The following PRELID2 variants were observed in gnomAD, a reference collection of about 807,000 sequenced individuals.
PRELID2 encodes the protein PRELI domain-containing protein 2.
PRELID2 carries 25 observed loss-of-function variants against 28.4 expected under a neutral mutation model. That is an observed-to-expected ratio of 0.88 (90% CI 0.64 to 1.23). The LOEUF is 1.23. PRELID2 is among the 50% of genes most tolerant of loss of function. The pLI, the probability that PRELID2 is intolerant of heterozygous loss-of-function variation, is 0.00. For synonymous variants in PRELID2, 76 were observed against 71.6 expected (o/e 1.06, Z -0.31); for missense variants, 201 against 214.4 (o/e 0.94, Z 0.39).
chr5:145,757,051 T>C lies in PRELID2; in HGVS notation c.*3485A>G, dbSNP rs1757278780. ...CTGTGTTTGCAAAAGCAGAGAAATG[T>C]ATACTAAATTAAGAAATAGTTTGAT... is the stretch of plus-strand genomic sequence containing the variant. On this transcript the variant is annotated 3_prime_UTR_variant, in exon 7 of 7. Transcript: ENST00000683046. 6.6e-6 allele frequency among the ~76,000 whole-genome samples: 1 copy of C among 152,190 alleles called. No homozygotes were observed. Among genetic ancestry groups the C allele is most frequent in the African/African-American group, 2.4e-5 (1 of 41,436 alleles).
the PRELID2 span, among the ~76,000 whole-genome samples, chr5:145,272,588 A>G: frequency 6.6e-6 from 1 of 152,112 alleles, no homozygotes; most frequent in Non-Finnish European, 1.5e-5. Context: ...ACCCTTATGA[A>G]ACAGTGGGAC....
At chr5:145,359,444 T>C in the PRELID2 span, among the ~76,000 whole-genome samples, 1 of 152,158 alleles carries the variant, frequency 6.6e-6, no homozygotes, top group Non-Finnish European at 1.5e-5. Flanking sequence ...TTAGAATTTC[T>C]CAAGAAAATG....
intron 1 of PRELID2, among the ~76,000 whole-genome samples, chr5:145,713,356 A>T (rs950079919): frequency 3.5e-5 from 5 of 143,038 alleles, no homozygotes; most frequent in African/African-American, 1.3e-4. Context: ...GACTTTATAT[A>T]TATATATATA....
At chr5:145,508,876 AGG>A (rs1752437565) in intron 1 of PRELID2, among the ~76,000 whole-genome samples, 1 of 152,236 alleles carries the variant, frequency 6.6e-6, no homozygotes, top group Admixed American at 6.5e-5. Flanking sequence ...ATCCTGTGGC[AGG>A]GAATCAGGGA....
chr5:145,429,658 T>A, the PRELID2 span, among the ~76,000 whole-genome samples: 1 of 152,216 alleles, frequency 6.6e-6, no homozygotes, highest in Non-Finnish European at 1.5e-5. Context: ...GGGAACCTAG[T>A]TCATTATGTA....
At chr5:145,525,875 A>T (rs993962955) in intron 1 of PRELID2, among the ~76,000 whole-genome samples, 1 of 152,196 alleles carries the variant, frequency 6.6e-6, no homozygotes, top group Non-Finnish European at 1.5e-5. Flanking sequence ...ATGAAGGCCA[A>T]ACTCCGAAAA....
At chr5:145,473,806 T>C (rs965406340) in intron 1 of PRELID2, among the ~76,000 whole-genome samples, 2 of 152,178 alleles carry the variant, frequency 1.3e-5, no homozygotes, top group Admixed American at 6.6e-5. Flanking sequence ...TTAATTTTCT[T>C]ATCTGTAAAA....
chr5:145,825,144 T>G (rs1173694797), intron 1 of PRELID2, among the ~76,000 whole-genome samples: 1 of 141,538 alleles, frequency 7.1e-6, no homozygotes, highest in Non-Finnish European at 1.5e-5. Context: ...GAGAATTGCT[T>G]GAACCTGGGA....
At chr5:145,303,513 C>A in the PRELID2 span, among the ~76,000 whole-genome samples, 1 of 152,156 alleles carries the variant, frequency 6.6e-6, no homozygotes, top group Non-Finnish European at 1.5e-5. Flanking sequence ...AGGCTCCAGG[C>A]TGGGAATCAC....
chr5:145,665,351 T>C (rs1474021982), intron 1 of PRELID2, among the ~76,000 whole-genome samples: 2 of 151,992 alleles, frequency 1.3e-5, no homozygotes, highest in African/African-American at 4.8e-5. Flanking sequence ...GAATGCTAAA[T>C]TGGAAAGGGG....
At chr5:145,648,882 G>A (rs1346354014) in intron 1 of PRELID2, among the ~76,000 whole-genome samples, 1 of 151,260 alleles carries the variant, frequency 6.6e-6, no homozygotes, top group East Asian at 1.9e-4. Context: ...CTTTTATACA[G>A]ATAGTCCCCA....
chr5:145,537,066 G>T (rs1441403001), intron 1 of PRELID2, among the ~76,000 whole-genome samples: 1 of 151,778 alleles, frequency 6.6e-6, no homozygotes, highest in Admixed American at 6.6e-5. Context: ...AAATCAACTA[G>T]AATCCCGTCT....
the PRELID2 span, among the ~76,000 whole-genome samples, chr5:145,451,523 G>A: frequency 6.6e-6 from 1 of 152,160 alleles, no homozygotes; most frequent in Non-Finnish European, 1.5e-5. Flanking sequence ...CTTCAGGGCA[G>A]AGATCGCGCC....
At chr5:145,633,464 C>T (rs543572533) in intron 1 of PRELID2, among the ~76,000 whole-genome samples, 10 of 152,228 alleles carry the variant, frequency 6.6e-5, no homozygotes, top group South Asian at 2.1e-4. Flanking sequence ...GGCCCTCTCT[C>T]GTCAACCACA....
At chr5:145,246,819 G>C in the PRELID2 span, among the ~76,000 whole-genome samples, 2 of 152,150 alleles carry the variant, frequency 1.3e-5, no homozygotes, top group South Asian at 4.1e-4. Flanking sequence ...GTTCATTCCT[G>C]GGTGTAGGCC....
At chr5:145,324,539 C>T in the PRELID2 span, among the ~76,000 whole-genome samples, 1 of 152,100 alleles carries the variant, frequency 6.6e-6, no homozygotes, top group African/African-American at 2.4e-5. Flanking sequence ...TCCTGTCTAC[C>T]CAGTTCAGGT....
At position 145,553,487 on chromosome 5, in the gene PRELID2, T is replaced by A. The variant is rs149895801; in HGVS notation, n.71-80172A>T. On this transcript the variant is annotated intron_variant and non_coding_transcript_variant, in intron 1 of 2. Coordinates refer to the PRELID2 transcript ENST00000510259. ...CTTTTTCTTTGTATCACCTTCCTCA[T>A]GTGCAAAACAAGACTAATAGTAGTT... Among the ~76,000 whole-genome samples the A allele has an allele frequency of 6.5e-3, 988 of 152,280 alleles. 17 individuals carry two copies. The highest frequency in any genetic ancestry group is 0.022 in the African/African-American group (924 of 41,548).
chr5:145,361,328 G>A, the PRELID2 span, among the ~76,000 whole-genome samples: 1,357 of 152,254 alleles, frequency 8.9e-3, 26 homozygotes, highest in African/African-American at 0.031. Flanking sequence ...AATGAAGGCA[G>A]ATAATAGCAA....
In PRELID2 at chr5:145,617,361, T is replaced by C. The variant is rs370353955; in HGVS notation, n.71-144046A>G. Among the ~76,000 whole-genome samples the C allele has an allele frequency of 6.8e-4, 104 of 152,284 alleles. No homozygotes were observed. In the East Asian group the frequency reaches 0.013, roughly 19 times the overall value. On this transcript the variant is annotated intron_variant and non_coding_transcript_variant, in intron 1 of 2. Coordinates refer to the PRELID2 transcript ENST00000510259. ...AATCTTCACAATTTATGTTCAGAGA[T>C]TGCAGTAAAGACAGGCGTAAGAAAT...
Sources: gnomAD v4.1 joint callset for allele counts (sites outside exome capture counted in the v4.1 genomes callset) on GRCh38, gnomAD v4.1.1 for gene constraint, MANE v1.5 for transcripts, NCBI Gene and HGNC (gene_info 2026-07-23, HGNC 2026-07-21) for gene names.